PCDH15: variants seen among roughly 807,000 people sequenced by gnomAD.
PCDH15 encodes protocadherin-15.
Under a neutral mutation model 178.5 loss-of-function variants are expected in PCDH15, and 129 were observed. The observed-to-expected ratio is 0.72, with a 90% CI of 0.63 to 0.84. The LOEUF is 0.84. PCDH15 is among the 40% of genes least tolerant of loss of function. The pLI, the probability that PCDH15 is intolerant of heterozygous loss-of-function variation, is 0.00. For missense variants in PCDH15, 2,230 were observed against 2,099.9 expected, an observed-to-expected ratio of 1.06 and a Z score of -1.21; for synonymous variants, 800 against 732.0, an observed-to-expected ratio of 1.09 and a Z score of -1.50.
At chr10:55,404,278 T>A (rs538137269) in intron 2 of PCDH15, among the ~76,000 whole-genome samples, 33 of 152,072 alleles carry the variant, frequency 2.2e-4, no homozygotes, top group African/African-American at 7.2e-4. Flanking sequence ...CAACCCATGA[T>A]GGTAAAGAAC....
At chr10:54,840,629 AAAAGT>A (rs745763820) in intron 3 of PCDH15, among the ~76,000 whole-genome samples, 5 of 151,856 alleles carry the variant, frequency 3.3e-5, no homozygotes, top group African/African-American at 4.8e-5. Flanking sequence ...TTTCTAACGA[AAAAGT>A]AAAGAGTGGC....
chr10:55,081,952 G>T (rs1842049565), intron 2 of PCDH15, among the ~76,000 whole-genome samples: 1 of 151,998 alleles, frequency 6.6e-6, no homozygotes, highest in African/African-American at 2.4e-5. Context: ...TAAAGAGAGA[G>T]GCACACCCCT....
chr10:54,289,472 A>C (rs1183684846), intron 8 of PCDH15, among the ~76,000 whole-genome samples: 4 of 152,174 alleles, frequency 2.6e-5, no homozygotes, highest in Admixed American at 2.6e-4. Flanking sequence ...AATTCTAAAA[A>C]CCAGAGTGCC....
intron 3 of PCDH15, among the ~76,000 whole-genome samples, chr10:54,434,766 A>C: frequency 6.6e-6 from 1 of 152,222 alleles, no homozygotes; most frequent in East Asian, 1.9e-4. Context: ...ACAAAATTGG[A>C]TGATGAATTA....
intron 20 of PCDH15, among the ~76,000 whole-genome samples, chr10:54,000,125 T>C (rs2092056688): frequency 6.6e-6 from 1 of 152,232 alleles, no homozygotes; most frequent in South Asian, 2.1e-4. Context: ...ACCACAGTGT[T>C]ACTGGGCTTG....
In PCDH15 at chr10:55,107,160, C is replaced by A. The variant is rs555163643; in HGVS notation, c.-80+59416G>T. ...AAGAATTCTCTTTCAGAGGCTGCAG[C>A]CCATTAGCAGTATACTTTCTATTGG... is the stretch of plus-strand genomic sequence containing the variant. On this transcript the variant is annotated intron_variant, in intron 2 of 5. Transcript: ENST00000458638. Among the ~76,000 whole-genome samples, 5 of 152,260 alleles carry A rather than the reference C, an allele frequency of 3.3e-5. No homozygotes were observed. The South Asian group carries it at 8.3e-4, about 25-fold the overall frequency.
intron 1 of PCDH15, among the ~76,000 whole-genome samples, chr10:55,186,879 A>G: frequency 6.6e-6 from 1 of 151,830 alleles, no homozygotes; most frequent in East Asian, 1.9e-4. Flanking sequence ...TAAATTCACC[A>G]AGCTTATATT....
intron 2 of PCDH15, among the ~76,000 whole-genome samples, chr10:55,618,330 A>T (rs548134895): frequency 1.3e-5 from 2 of 152,162 alleles, no homozygotes; most frequent in East Asian, 3.9e-4. Context: ...TATTTGTTGT[A>T]GTCTTTTGTA....
chr10:55,480,106 G>T (rs530079898), intron 2 of PCDH15, among the ~76,000 whole-genome samples: 1 of 151,566 alleles, frequency 6.6e-6, no homozygotes, highest in South Asian at 2.1e-4. Context: ...TCATTGTAAT[G>T]TTATCGATTT....
chr10:55,270,144 A>G (rs1343694431), intron 1 of PCDH15, among the ~76,000 whole-genome samples: 1 of 152,142 alleles, frequency 6.6e-6, no homozygotes, highest in Admixed American at 6.5e-5. Flanking sequence ...CAAGATGAAT[A>G]AAACATTTAA....
intron 1 of PCDH15, among the ~76,000 whole-genome samples, chr10:54,702,049 A>G (rs927315863): frequency 1.3e-5 from 2 of 152,062 alleles, no homozygotes; most frequent in Non-Finnish European, 2.9e-5. Flanking sequence ...CAACCACACA[A>G]TCACCCATAA....
intron 2 of PCDH15, among the ~76,000 whole-genome samples, chr10:55,092,104 T>C (rs1842333456): frequency 6.6e-6 from 1 of 151,898 alleles, no homozygotes. Context: ...CTGGAAAAGC[T>C]CAGGTACTAA....
intron 3 of PCDH15, among the ~76,000 whole-genome samples, chr10:54,498,276 C>T (rs1001501704): frequency 1.3e-5 from 2 of 152,060 alleles, no homozygotes; most frequent in African/African-American, 4.8e-5. Flanking sequence ...TTGTAACCAC[C>T]AGACCTGCCT....
chr10:54,590,388 T>C (rs2091802422), intron 2 of PCDH15, among the ~76,000 whole-genome samples: 1 of 152,172 alleles, frequency 6.6e-6, no homozygotes, highest in Admixed American at 6.5e-5. Flanking sequence ...AAATTACCTC[T>C]TGCTTAAACC....
intron 1 of PCDH15, among the ~76,000 whole-genome samples, chr10:54,736,064 C>G (rs796189488): frequency 1.3e-5 from 2 of 151,934 alleles, no homozygotes; most frequent in East Asian, 3.9e-4. Context: ...TCTCGACTTT[C>G]TTTCCTTAGG....
intron 9 of PCDH15, among the ~76,000 whole-genome samples, chr10:54,229,690 G>A (rs575668847): frequency 3.9e-5 from 6 of 152,172 alleles, no homozygotes; most frequent in African/African-American, 9.6e-5. Context: ...GAGACATGCC[G>A]TTCACCTTCC....
chr10:53,972,838 T>C (rs1589703461), intron 21 of PCDH15, among the ~76,000 whole-genome samples: 1 of 152,172 alleles, frequency 6.6e-6, no homozygotes. Flanking sequence ...TTTACACTGT[T>C]GGTGGGACAG....
Position 53,840,534 on chromosome 10 carries a change from G to A in PCDH15, c.3807-38C>T, listed in dbSNP as rs758282457. On this transcript the variant is annotated intron_variant, in intron 28 of 37. Transcript: ENST00000644397. Reference sequence around the variant, plus strand: ...CAAAGTACAAACATGACAGTCCAATGGGCTTTCTGGGAGTAAAAAATTACT... The same window carrying A: ...CAAAGTACAAACATGACAGTCCAATAGGCTTTCTGGGAGTAAAAAATTACT... 8.3e-6 allele frequency: 13 copies of A among 1,565,684 alleles called. No homozygotes were observed. In the Admixed American group the frequency reaches 2.0e-4, roughly 24 times the overall value.
intron 2 of PCDH15, among the ~76,000 whole-genome samples, chr10:55,488,352 T>G (rs1462707411): frequency 6.6e-6 from 1 of 151,570 alleles, no homozygotes; most frequent in Non-Finnish European, 1.5e-5. Flanking sequence ...GTGTAGTGCC[T>G]TAAGGAATTA....
Sources: allele counts gnomAD v4.1 joint callset (sites outside exome capture counted in the v4.1 genomes callset), GRCh38; gene constraint gnomAD v4.1.1; transcripts MANE v1.5; gene names NCBI Gene and HGNC (gene_info 2026-07-23, HGNC 2026-07-21).